The following SCML4 variants were observed in gnomAD, a reference collection of about 807,000 sequenced individuals.
SCML4 encodes Scm polycomb group protein like 4, also known as sex comb on midleg-like protein 4.
A neutral mutation model predicts 41.1 loss-of-function variants in SCML4; 34 were observed. That is an observed-to-expected ratio of 0.83 (90% CI 0.63 to 1.10). The LOEUF is 1.10. SCML4 is among the 50% of genes least tolerant of loss of function. The pLI is 0.00. For synonymous variants in SCML4, 214 were observed against 220.9 expected, an observed-to-expected ratio of 0.97 and a Z score of 0.28; for missense variants, 522 against 534.1, an observed-to-expected ratio of 0.98 and a Z score of 0.22.
At chr6:107,822,074 A>C (rs1435113693) in intron 1 of SCML4, among the ~76,000 whole-genome samples, 1 of 152,258 alleles carries the variant, frequency 6.6e-6, no homozygotes, top group Non-Finnish European at 1.5e-5. Flanking sequence ...TCCAAAATTG[A>C]GATTAAAAAT....
intron 1 of SCML4, among the ~76,000 whole-genome samples, chr6:107,788,089 C>A (rs1782037128): frequency 6.6e-6 from 1 of 152,152 alleles, no homozygotes; most frequent in South Asian, 2.1e-4. Context: ...AGGAAAGATG[C>A]ATTTAGAGGT....
the SCML4 span, among the ~76,000 whole-genome samples, chr6:107,835,724 G>A: frequency 1.5e-5 from 2 of 131,084 alleles, no homozygotes; most frequent in Non-Finnish European, 3.1e-5. Flanking sequence ...GGACTGCACC[G>A]CTGCACTCCA....
intron 5 of SCML4, among the ~76,000 whole-genome samples, chr6:107,744,295 C>T (rs1777860040): frequency 1.3e-5 from 2 of 152,276 alleles, no homozygotes; most frequent in African/African-American, 4.8e-5. Context: ...GCCTGTGTGG[C>T]CTTGCTACCC....
intron 1 of SCML4, among the ~76,000 whole-genome samples, chr6:107,793,825 G>A (rs1782518948): frequency 1.3e-5 from 2 of 152,202 alleles, no homozygotes; most frequent in South Asian, 4.2e-4. Context: ...TGCACCTGTG[G>A]TACCAGCTAC....
intron 1 of SCML4, among the ~76,000 whole-genome samples, chr6:107,802,626 GGAAGGAAGGAAA>G (rs1463581297): frequency 9.0e-4 from 128 of 142,206 alleles, no homozygotes; most frequent in Admixed American, 1.6e-3. Flanking sequence ...AAGGAAGGAA[GGAAGGAAGGAAA>G]GAAAATTGGA....
chr6:107,778,677 C>T (rs1040820902), intron 1 of SCML4, among the ~76,000 whole-genome samples: 1 of 152,042 alleles, frequency 6.6e-6, no homozygotes, highest in Non-Finnish European at 1.5e-5. Context: ...AAGGTCCTGG[C>T]GAATCATGCT....
At chr6:107,717,284 C>G (rs1173187816) in intron 6 of SCML4, among the ~76,000 whole-genome samples, 2 of 115,298 alleles carry the variant, frequency 1.7e-5, no homozygotes, top group Non-Finnish European at 3.6e-5. Context: ...GAGCGAGACT[C>G]TGTCTCAAAA....
Position 107,702,933 on chromosome 6 carries a change from C to T in SCML4, c.*2267G>A, listed in dbSNP as rs1210309595. ...CAGCACAAGATATAGGTCATAAAGA[C>T]CTTCTGATAAAACAGGTTGCAGTAA... is the stretch of plus-strand genomic sequence containing the variant. On this transcript the variant is annotated 3_prime_UTR_variant, in exon 8 of 8. Transcript: ENST00000369020. Among the ~76,000 whole-genome samples, 1 of 152,140 alleles carries T rather than the reference C, an allele frequency of 6.6e-6. No homozygotes were observed. The highest frequency in any genetic ancestry group is 1.9e-4 in the East Asian group (1 of 5,196).
At chr6:107,776,671 C>T (rs1051131532) in intron 1 of SCML4, among the ~76,000 whole-genome samples, 10 of 152,158 alleles carry the variant, frequency 6.6e-5, no homozygotes, top group South Asian at 2.1e-4. Flanking sequence ...TTGAAAAGCA[C>T]GTAAAAATTT....
At chr6:107,756,893 G>A (rs145065355) in intron 2 of SCML4, among the ~76,000 whole-genome samples, 259 of 152,282 alleles carry the variant, frequency 1.7e-3, no homozygotes, top group African/African-American at 5.8e-3. Flanking sequence ...TGTGCAGGAC[G>A]CCATGCTCTG....
intron 1 of SCML4, among the ~76,000 whole-genome samples, chr6:107,823,183 T>A (rs1329392167): frequency 6.6e-6 from 1 of 152,140 alleles, no homozygotes; most frequent in Non-Finnish European, 1.5e-5. Flanking sequence ...AACCACTTTC[T>A]CAGAAAGCCA....
chr6:107,803,775 T>C lies in SCML4; in HGVS notation c.-60+20351A>G, dbSNP rs1322345671. On this transcript the variant is annotated intron_variant, in intron 1 of 7. Transcript: ENST00000369020. Reference sequence around the variant, plus strand: ...CCCCAACCCTGTGCTCTCTGAAACATGTGCTGTGTCCACTCAGGGTTGAAT... The same window carrying C: ...CCCCAACCCTGTGCTCTCTGAAACACGTGCTGTGTCCACTCAGGGTTGAAT... Among the ~76,000 whole-genome samples, 4 of 145,554 alleles carry C rather than the reference T, an allele frequency of 2.7e-5. No homozygotes were observed. In the East Asian group the frequency reaches 6.1e-4, roughly 22 times the overall value.
chr6:107,740,473 T>G (rs571679496), intron 5 of SCML4, among the ~76,000 whole-genome samples: 6 of 152,332 alleles, frequency 3.9e-5, no homozygotes, highest in African/African-American at 1.4e-4. Context: ...AGATGGCCCT[T>G]GGCTGGCAGA....
chr6:107,759,367 A>AG (rs1554213083), intron 2 of SCML4, among the ~76,000 whole-genome samples: 3 of 151,458 alleles, frequency 2.0e-5, no homozygotes, highest in Non-Finnish European at 4.4e-5. Flanking sequence ...ATACATACAT[A>AG]AGGCTGCTGT....
intron 5 of SCML4, among the ~76,000 whole-genome samples, chr6:107,731,122 A>C (rs1287445393): frequency 6.6e-6 from 1 of 152,166 alleles, no homozygotes; most frequent in Non-Finnish European, 1.5e-5. Flanking sequence ...GAAGAGGTGC[A>C]GGAGAAAGCC....
intron 1 of SCML4, among the ~76,000 whole-genome samples, chr6:107,799,269 T>C (rs1782931041): frequency 6.6e-6 from 1 of 152,344 alleles, no homozygotes; most frequent in South Asian, 2.1e-4. Context: ...CATTAAGAGT[T>C]TCATATCTTC....
chr6:107,792,427 G>A (rs1782398420), intron 1 of SCML4, among the ~76,000 whole-genome samples: 3 of 152,102 alleles, frequency 2.0e-5, no homozygotes, highest in Non-Finnish European at 2.9e-5. Flanking sequence ...TCAATCAGAC[G>A]AAAACTTTAT....
chr6:107,796,484 G>T (rs1390771775), intron 1 of SCML4, among the ~76,000 whole-genome samples: 1 of 152,026 alleles, frequency 6.6e-6, no homozygotes, highest in Non-Finnish European at 1.5e-5. Context: ...AAATTTTATG[G>T]GGTTGTTTGC....
At chr6:107,842,384 A>G in the SCML4 span, among the ~76,000 whole-genome samples, 3 of 152,188 alleles carry the variant, frequency 2.0e-5, no homozygotes, top group Non-Finnish European at 2.9e-5. Context: ...AAAATTATGT[A>G]TTCTGTTGCT....
Sources: gnomAD v4.1 joint callset for allele counts (sites outside exome capture counted in the v4.1 genomes callset) on GRCh38, gnomAD v4.1.1 for gene constraint, MANE v1.5 for transcripts, NCBI Gene and HGNC (gene_info 2026-07-23, HGNC 2026-07-21) for gene names.